Variants in TRPM1 observed in about 807,000 individuals in gnomAD.
TRPM1 encodes transient receptor potential cation channel subfamily M member 1.
In TRPM1, 113 loss-of-function variants were observed where a neutral mutation model predicts 149.4. The ratio of observed to expected loss-of-function variants is 0.76; its 90% confidence interval spans 0.65 to 0.88. TRPM1 has a LOEUF of 0.88. Among genes scored for constraint, TRPM1 ranks in the 40% least tolerant of loss-of-function variants. The pLI, the probability that TRPM1 is intolerant of heterozygous loss-of-function variation, is 0.00. For missense variants in TRPM1, 1,976 were observed against 2,038.7 expected (o/e 0.97, Z 0.59); for synonymous variants, 741 against 759.5 (o/e 0.98, Z 0.40).
chr15:31,149,352 C>A (rs1183416315), intron 1 of TRPM1, among the ~76,000 whole-genome samples: 1 of 152,020 alleles, frequency 6.6e-6, no homozygotes, highest in East Asian at 1.9e-4. Context: ...GTTCTCTGGC[C>A]GTGCTTAAGA....
intron 11 of TRPM1, among the ~76,000 whole-genome samples, chr15:31,051,131 CG>C (rs2033938710): frequency 6.6e-6 from 1 of 151,974 alleles, no homozygotes; most frequent in Non-Finnish European, 1.5e-5. Context: ...GCATGCAATG[CG>C]GTGACAGACT....
At chr15:31,030,546 G>A (rs1246219480) in intron 23 of TRPM1, among the ~76,000 whole-genome samples, 4 of 152,174 alleles carry the variant, frequency 2.6e-5, no homozygotes, top group African/African-American at 4.8e-5. Context: ...GATGAAATGG[G>A]TATGAAATGG....
intron 1 of TRPM1, among the ~76,000 whole-genome samples, chr15:31,116,771 GAAAAAAAA>G (rs2035803333): frequency 7.0e-6 from 1 of 142,640 alleles, no homozygotes; most frequent in Non-Finnish European, 1.5e-5. Context: ...CAGAGAGAGA[GAAAAAAAA>G]GATGCTGGAG....
At chr15:31,113,574 C>T (rs1195646293) in intron 1 of TRPM1, among the ~76,000 whole-genome samples, 3 of 151,934 alleles carry the variant, frequency 2.0e-5, no homozygotes, top group Non-Finnish European at 4.4e-5. Context: ...ACTTTAGGTT[C>T]CCCCATACAA....
rs76490318 is a variant in TRPM1 at position 31,033,238 on chromosome 15, C to T, written c.2701-298G>A. Among the ~76,000 whole-genome samples, 528 of 152,248 alleles carry T rather than the reference C, an allele frequency of 3.5e-3. 4 individuals are homozygous for T. Among genetic ancestry groups the T allele is most frequent in the Non-Finnish European group, 6.2e-3 (422 of 68,014 alleles). On this transcript the variant is annotated intron_variant, in intron 21 of 27. Transcript: ENST00000256552. ...GATTTCTTTTTTAATTATCTGGACA[C>T]GTGCCTGTTACTCCACATTCCAGAG...
chr15:31,055,011 T>C (rs1431231992), intron 11 of TRPM1, among the ~76,000 whole-genome samples: 5 of 152,190 alleles, frequency 3.3e-5, no homozygotes, highest in African/African-American at 4.8e-5. Flanking sequence ...ACAGAAAATA[T>C]AGATAGAAGA....
intron 1 of TRPM1, among the ~76,000 whole-genome samples, chr15:31,091,075 T>C (rs1224402114): frequency 2.6e-5 from 4 of 152,228 alleles, no homozygotes; most frequent in Non-Finnish European, 4.4e-5. Flanking sequence ...AGGGTAATAG[T>C]TCTGCTTCTG....
intron 21 of TRPM1, among the ~76,000 whole-genome samples, chr15:31,034,926 A>G (rs1028139670): frequency 6.6e-6 from 1 of 152,244 alleles, no homozygotes; most frequent in Admixed American, 6.5e-5. Flanking sequence ...TTCAAGATGT[A>G]TACATCTTAA....
At chr15:31,026,076 A>T (rs751847757) in intron 27 of TRPM1, 63 bp downstream of exon 27, 34 of 1,598,880 alleles carry the variant, frequency 2.1e-5, no homozygotes, top group African/African-American at 4.0e-5. Flanking sequence ...TCCCCCATAG[A>T]GTGGGGCGCC....
chr15:31,132,207 C>T (rs2036025480), intron 1 of TRPM1, among the ~76,000 whole-genome samples: 1 of 152,208 alleles, frequency 6.6e-6, no homozygotes, highest in South Asian at 2.1e-4. Context: ...GCTCTGCCTC[C>T]CCTGGCCCCT....
At chr15:31,026,421 A>G (rs2032758889) in intron 26 of TRPM1, 150 bp from the exon 27 acceptor site, 1 of 1,001,008 alleles carries the variant, frequency 1.0e-6, no homozygotes, top group East Asian at 2.6e-5. Flanking sequence ...TTTTTATCTA[A>G]AAAGGGGTTG....
At chr15:31,128,442 T>C (rs2035978188) in intron 1 of TRPM1, among the ~76,000 whole-genome samples, 1 of 152,224 alleles carries the variant, frequency 6.6e-6, no homozygotes, top group Non-Finnish European at 1.5e-5. Flanking sequence ...CCATAAGGGA[T>C]GCTGGTCACC....
intron 1 of TRPM1, chr15:31,160,833 G>C: frequency 2.7e-6 from 4 of 1,486,244 alleles, no homozygotes; most frequent in Non-Finnish European, 3.6e-6. Context: ...ACTCTGAGAT[G>C]ACAGAGCTGG....
intron 2 of TRPM1, among the ~76,000 whole-genome samples, chr15:31,079,021 T>A (rs1440403994): frequency 6.6e-6 from 1 of 152,150 alleles, no homozygotes; most frequent in Non-Finnish European, 1.5e-5. Context: ...AGAAAGGAGT[T>A]ACAAATATGG....
chr15:31,075,991 A>G (rs2034676845), intron 3 of TRPM1, among the ~76,000 whole-genome samples: 1 of 151,772 alleles, frequency 6.6e-6, no homozygotes, highest in African/African-American at 2.4e-5. Flanking sequence ...ATCTGGCTTC[A>G]TGGAGGACTG....
intron 11 of TRPM1, 102 bp downstream of exon 11, chr15:31,060,442 C>G: frequency 1.0e-6 from 1 of 956,606 alleles, no homozygotes; most frequent in East Asian, 2.6e-5. Flanking sequence ...ATCAGAAACC[C>G]CACATAATTT....
chr15:31,069,401 G>A (rs10400821), intron 4 of TRPM1: 793,024 of 992,214 alleles, frequency 0.8, 319,401 homozygotes, highest in East Asian at 0.93. Context: ...TTGGAACACA[G>A]CTAAATTTTA....
chr15:31,074,128 A>G (rs1198021814), intron 3 of TRPM1, among the ~76,000 whole-genome samples: 1 of 152,058 alleles, frequency 6.6e-6, no homozygotes, highest in Non-Finnish European at 1.5e-5. Flanking sequence ...TTCTGCACCC[A>G]TGTTCATAAT....
intron 26 of TRPM1, 52 bp downstream of exon 26, chr15:31,026,863 G>T: frequency 6.3e-7 from 1 of 1,581,506 alleles, no homozygotes; most frequent in South Asian, 1.1e-5. Flanking sequence ...TGTCCAATTT[G>T]AACACTATTT....
Sources: gnomAD v4.1 joint callset for allele counts (sites outside exome capture counted in the v4.1 genomes callset) on GRCh38, gnomAD v4.1.1 for gene constraint, MANE v1.5 for transcripts, NCBI Gene and HGNC (gene_info 2026-07-23, HGNC 2026-07-21) for gene names.